The following ZFTA variants were observed in gnomAD, a reference collection of about 807,000 sequenced individuals.
ZFTA encodes zinc finger translocation-associated protein.
ZFTA carries 35 observed loss-of-function variants against 41.8 expected under a neutral mutation model. That is an observed-to-expected ratio of 0.84 (90% CI 0.64 to 1.11). The LOEUF (loss-of-function observed/expected upper bound fraction) is 1.11. Ranked by LOEUF, ZFTA falls within the 50% of genes most tolerant of loss-of-function variation. The pLI, the probability that ZFTA is intolerant of heterozygous loss-of-function variation, is 0.00. For missense variants in ZFTA, 964 were observed against 989.8 expected (o/e 0.97, Z 0.35); for synonymous variants, 514 against 436.4 (o/e 1.18, Z -2.22).
chr11:63,767,643 G>C (rs552660980), intron 1 of ZFTA: 1 of 152,240 alleles, frequency 6.6e-6, no homozygotes, highest in Non-Finnish European at 1.5e-5. Flanking sequence ...TTCTGGGAGG[G>C]GAGAGACCGG....
chr11:63,764,709 A>G, intron 3 of ZFTA, 111 bp from the exon 4 acceptor site: 1 of 1,331,904 alleles, frequency 7.5e-7, no homozygotes, highest in South Asian at 2.1e-5. Context: ...TAGAGGCCCC[A>G]GTCTGTCTCT....
At chr11:63,763,951 T>C (rs967258879) in intron 4 of ZFTA, 82 bp from the exon 5 acceptor site, 2 of 1,352,166 alleles carry the variant, frequency 1.5e-6, no homozygotes, top group Non-Finnish European at 1.9e-6. Context: ...TCACCCCATC[T>C]TTGCCCTTCT....
Position 63,768,768 on chromosome 11 carries a change from C to G in ZFTA, c.-146G>C, listed in dbSNP as rs1044552061. Reference sequence around the variant, plus strand: ...CCGGCCGCACGGACGGCAGGCTGCTCGCTCGGCGGCGCGGGCTGGACCGGG... The same window carrying G: ...CCGGCCGCACGGACGGCAGGCTGCTGGCTCGGCGGCGCGGGCTGGACCGGG... On this transcript the variant is annotated 5_prime_UTR_variant, in exon 1 of 5. Coordinates refer to ENST00000433688, the MANE Select transcript of ZFTA (RefSeq NM_001144936.2). The G allele has an allele frequency of 3.2e-5, 6 of 188,608 alleles. No individual in the cohort carries two copies. The highest frequency in any genetic ancestry group is 1.3e-4 in the Admixed American group (2 of 15,046). The allele number at this position is 188,608 out of a possible 1,614,324, so 11.7% of individuals were successfully genotyped here.
Position 63,760,961 on chromosome 11 carries a change from GA to G in ZFTA, c.*2456del, listed in dbSNP as rs2014618944. The G allele has an allele frequency of 5.3e-5, 8 of 152,304 alleles. No individual in the cohort carries two copies. The South Asian group carries it at 1.7e-3, about 32-fold the overall frequency. 9.4% of individuals were successfully genotyped at this position (152,304 alleles called of 1,614,324 possible). ...CTCCTGAGGCCTCTCTCTGCCTACG[GA>G]GGGGGGGGAATCTAACCCCTCTGCC... On this transcript the variant is annotated 3_prime_UTR_variant, in exon 5 of 5. Coordinates refer to ENST00000433688, the MANE Select transcript of ZFTA (RefSeq NM_001144936.2).
chr11:63,761,742 A>C lies in ZFTA; in HGVS notation c.*1676T>G, dbSNP rs1043661835. The stretch of plus-strand genomic sequence containing the variant: ...TCTGACAATCCTCAATTATATAAAA[A>C]TGCTATAAAATCCGTGGTATAAAAT... On this transcript the variant is annotated 3_prime_UTR_variant, in exon 5 of 5. Transcript: ENST00000433688. 1 of 152,232 alleles carries C rather than the reference A, an allele frequency of 6.6e-6. No homozygotes were observed. The highest frequency in any genetic ancestry group is 6.5e-5 in the Admixed American group (1 of 15,280). 9.4% of individuals were successfully genotyped at this position (152,232 alleles called of 1,614,324 possible). A position where few individuals can be genotyped will look rare whatever the true frequency, so the allele number is the denominator to read the frequency against.
At position 63,763,234 on chromosome 11, in the gene ZFTA, C is replaced by T. The variant is rs1008079320; in HGVS notation, c.*184G>A. On this transcript the variant is annotated 3_prime_UTR_variant, in exon 5 of 5. Transcript: ENST00000433688. ...GACTGGCTCAGGGACCCAAGTGGCA[C>T]CGCGCAGACGCCGGTGGCCCCACCC... The T allele has an allele frequency of 4.6e-5, 12 of 263,538 alleles. No homozygotes were observed. The highest frequency in any genetic ancestry group is 2.3e-4 in the African/African-American group (10 of 43,242). 16.3% of individuals were successfully genotyped at this position (263,538 alleles called of 1,614,324 possible). A position where few individuals can be genotyped will look rare whatever the true frequency, so the allele number is the denominator to read the frequency against.
In ZFTA at chr11:63,765,821, G is replaced by T; in HGVS notation, c.623C>A (p.Pro208Gln). 1 of 1,482,690 alleles carries T rather than the reference G, an allele frequency of 6.7e-7. No individual in the cohort carries two copies. The highest frequency in any genetic ancestry group is 8.9e-7 in the Non-Finnish European group (1 of 1,117,606). 91.8% of individuals were successfully genotyped at this position (1,482,690 alleles called of 1,614,324 possible). The stretch of plus-strand genomic sequence containing the variant: ...ATTTGCATTACCTGGGCCCTTGGGC[G>T]GGCAAGCTGGGACACCGGCCCCCTC... ...EEEGAGVPAC[P>Q]PKGPGKAPAG... Residue 208 changes from proline (P) to glutamine (Q), a missense_variant, in exon 2 of 5, where the codon CCG becomes CAG. Pro to Gln is a moderately conservative substitution (Grantham distance 76). This residue lies in a region of ZFTA where 141 missense variants were observed against 216.7 expected (regional missense o/e 0.65). Transcript: ENST00000433688. This position sits in a 1 kb window ranked among gnomAD's most constrained non-coding sequence, Gnocchi z 4.0.
Position 63,765,135 on chromosome 11 carries a change from C to T in ZFTA, c.757G>A (p.Ala253Thr), listed in dbSNP as rs1222909758. The T allele has an allele frequency of 1.3e-6, 2 of 1,546,918 alleles. No homozygotes were observed. Among genetic ancestry groups the T allele is most frequent in the Admixed American group, 2.0e-5 (1 of 50,858 alleles). Residue 253 changes from alanine (A) to threonine (T), a missense_variant, in exon 3 of 5, where the codon GCC (alanine) becomes ACC (threonine). Physicochemically the swap from Ala to Thr is moderately conservative, Grantham distance 58. This residue lies in a region of ZFTA where 584 missense variants were observed against 523.1 expected (regional missense o/e 1.12). Transcript: ENST00000433688. The surrounding 1 kb of genome is among the most constrained non-coding windows in gnomAD (Gnocchi z 4.0). Reference sequence around the variant, plus strand: ...TTCAGCCTCCTCTCCAGGCGCCGGGCCCCCAGCCCCCTGCTGCCCCCGGCC... The same window carrying T: ...TTCAGCCTCCTCTCCAGGCGCCGGGTCCCCAGCCCCCTGCTGCCCCCGGCC... ...RRAGGSRGLGARRLERRLKES... is the reference protein window; with the variant it reads ...RRAGGSRGLGTRRLERRLKES...
rs1329082410 is a variant in ZFTA at position 63,765,940 on chromosome 11, A to C, written c.504T>G (p.Asp168Glu). 1 of 1,551,456 alleles carries C rather than the reference A, an allele frequency of 6.4e-7. No homozygotes were observed. The highest frequency in any genetic ancestry group is 8.7e-7 in the Non-Finnish European group (1 of 1,147,000). Residue 168 changes from aspartate to glutamate, a missense_variant, in exon 2 of 5, where the codon GAT becomes GAG. Around this residue, in one of 5 missense-constraint regions of ZFTA, gnomAD observed 141 missense variants for 216.7 expected, o/e 0.65. Transcript: ENST00000433688. The surrounding 1 kb of genome is among the most constrained non-coding windows in gnomAD (Gnocchi z 4.0). ...REKEVISNSW[D>E]AHLGLGACGE... ...CGCAGGCCCCCAGCCCCAGGTGTGC[A>C]TCCCAGCTGTTGCTGATGACTTCCT...
In ZFTA at chr11:63,768,674, G is replaced by A; in HGVS notation, c.-52C>T. The stretch of plus-strand genomic sequence containing the variant: ...GGGCGGCGGGGCGCGGGGCCGCGGG[G>A]CCGGCGGCAGCCCGCGCGGAGCGCT... On this transcript the variant is annotated 5_prime_UTR_variant, in exon 1 of 5. Transcript: ENST00000433688. The A allele has an allele frequency of 1.1e-6, 1 of 878,128 alleles. No individual in the cohort carries two copies. Among genetic ancestry groups the A allele is most frequent in the South Asian group, 5.2e-5 (1 of 19,278 alleles). The allele number at this position is 878,128 out of a possible 1,614,324, so 54.4% of individuals were successfully genotyped here.
chr11:63,767,955 A>AGGGAGAATGT (rs2014773195), intron 1 of ZFTA, among the ~76,000 whole-genome samples: 1 of 151,874 alleles, frequency 6.6e-6, no homozygotes, highest in Non-Finnish European at 1.5e-5. Flanking sequence ...GCACTTTCCT[A>AGGGAGAATGT]GGGAGAATGT....
In ZFTA at chr11:63,763,688, G is replaced by A; in HGVS notation, c.1767C>T (p.Tyr589=). Residue 589 remains tyrosine, a synonymous_variant, in exon 5 of 5, where the codon TAC becomes TAT. Transcript: ENST00000433688. ...GCCGGCTGCCGTCGTAGTCCATCAG[G>A]TACTCGCCCCGCCACCGCGGCTGGT... ...RNYQPRWRGE[Y]LMDYDGSRRG... is the part of the protein sequence containing the mutation. The A allele has an allele frequency of 1.3e-6, 2 of 1,529,950 alleles. No individual in the cohort carries two copies. Among genetic ancestry groups the A allele is most frequent in the South Asian group, 1.2e-5 (1 of 82,492 alleles). 94.8% of individuals were successfully genotyped at this position (1,529,950 alleles called of 1,614,324 possible).
chr11:63,766,375 T>G lies in ZFTA; in HGVS notation c.140-71A>C, dbSNP rs954662414. On this transcript the variant is annotated intron_variant, in intron 1 of 4. Coordinates refer to ENST00000433688, the MANE Select transcript of ZFTA (RefSeq NM_001144936.2). Reference sequence around the variant, plus strand: ...GGGAAAGAGGCGAGGGCTTTGATGGTGAGCCCTGAGAAAGGGAGCTGGGGG... The same window carrying G: ...GGGAAAGAGGCGAGGGCTTTGATGGGGAGCCCTGAGAAAGGGAGCTGGGGG... 2.1e-6 allele frequency: 3 copies of G among 1,399,870 alleles called. No individual in the cohort carries two copies. In the African/African-American group the frequency reaches 4.4e-5, roughly 21 times the overall value. 86.7% of individuals were successfully genotyped at this position (1,399,870 alleles called of 1,614,324 possible).
In ZFTA at chr11:63,763,879, G is replaced by T. The variant is rs998047134; in HGVS notation, c.1586-10C>A. ...GACAGCGGAACGTCGCCTAAGGAGG[G>T]ACAAAGGACCGCATTGGCGACGGCG... On this transcript the variant is annotated splice_polypyrimidine_tract_variant and intron_variant, in intron 4 of 4. Coordinates refer to ENST00000433688, the MANE Select transcript of ZFTA (RefSeq NM_001144936.2). 1 of 1,419,434 alleles carries T rather than the reference G, an allele frequency of 7.0e-7. No homozygotes were observed. 87.9% of individuals were successfully genotyped at this position (1,419,434 alleles called of 1,614,324 possible).
rs897026157 is a variant in ZFTA at position 63,763,670 on chromosome 11, G to A, written c.1785C>T (p.Gly595=). ...WRGEYLMDYD[G]SRRGLVCMVC... ...CCATACACACCAGGCCGCGCCGGCT[G>A]CCGTCGTAGTCCATCAGGTACTCGC... Residue 595 remains glycine, a synonymous_variant, in exon 5 of 5, where the codon GGC becomes GGT. Transcript: ENST00000433688. 81 of 1,543,108 alleles carry A rather than the reference G, an allele frequency of 5.2e-5. No individual in the cohort carries two copies. The highest frequency in any genetic ancestry group is 6.3e-5 in the Non-Finnish European group (72 of 1,143,676).
chr11:63,765,930 C>G lies in ZFTA; in HGVS notation c.514G>C (p.Gly172Arg), dbSNP rs1432166494. Residue 172 changes from glycine (G) to arginine (R), a missense_variant, in exon 2 of 5, where the codon GGG (glycine) becomes CGG (arginine). Gly to Arg is a moderately radical substitution (Grantham distance 125, BLOSUM62 -2). Transcript: ENST00000433688. The surrounding 1 kb of genome is among the most constrained non-coding windows in gnomAD (Gnocchi z 4.0). ...TCGGCCTCTCCGCAGGCCCCCAGCC[C>G]CAGGTGTGCATCCCAGCTGTTGCTG... is the stretch of plus-strand genomic sequence containing the variant. ...VISNSWDAHL[G>R]LGACGEAEGL... 1 of 1,551,736 alleles carries G rather than the reference C, an allele frequency of 6.4e-7. No individual in the cohort carries two copies. The highest frequency in any genetic ancestry group is 2.4e-5 in the East Asian group (1 of 40,920).
chr11:63,763,440 G>C lies in ZFTA; in HGVS notation c.2015C>G (p.Ser672Cys), dbSNP rs1488905306. ...APRDGGADLK[S>C]GAVCRA Reference sequence around the variant, plus strand: ...CCGCTACGCCCGACACACAGCGCCAGACTTGAGGTCCGCGCCGCCGTCACG... The same window carrying C: ...CCGCTACGCCCGACACACAGCGCCACACTTGAGGTCCGCGCCGCCGTCACG... The change falls in exon 5 of 5, where the codon TCT becomes TGT. Residue 672 changes from serine (S) to cysteine (C), a missense_variant. Ser to Cys is a moderately radical substitution (Grantham distance 112). Transcript: ENST00000433688. 12 of 1,397,356 alleles carry C rather than the reference G, an allele frequency of 8.6e-6. No homozygotes were observed. The highest frequency in any genetic ancestry group is 1.0e-5 in the Non-Finnish European group (11 of 1,076,594). 86.6% of individuals were successfully genotyped at this position (1,397,356 alleles called of 1,614,324 possible). A position where few individuals can be genotyped will look rare whatever the true frequency, so the allele number is the denominator to read the frequency against.
chr11:63,768,377 C>A, intron 1 of ZFTA, 107 bp downstream of exon 1: 1 of 720,046 alleles, frequency 1.4e-6, no homozygotes, highest in South Asian at 6.2e-5. Flanking sequence ...CCCGGCCGCC[C>A]TGCCCGCGTC....
chr11:63,767,252 G>C (rs1372212440), intron 1 of ZFTA: 1 of 152,298 alleles, frequency 6.6e-6, no homozygotes, highest in Admixed American at 6.5e-5. Flanking sequence ...TGGGCACACA[G>C]GCAGGTTCTG....
Sources: allele counts gnomAD v4.1 joint callset (sites outside exome capture counted in the v4.1 genomes callset), GRCh38; gene constraint gnomAD v4.1.1; regional missense constraint gnomAD v4.1.1; non-coding constraint Gnocchi (gnomAD v3.1); transcripts MANE v1.5; gene names NCBI Gene and HGNC (gene_info 2026-07-23, HGNC 2026-07-21).